Variants in LRP12 observed in about 807,000 individuals in gnomAD.
LRP12 encodes the protein LDL receptor related protein 12.
A neutral mutation model predicts 66.0 loss-of-function variants in LRP12; 14 were observed. The observed-to-expected ratio is 0.21, with a 90% confidence interval of 0.14 to 0.33. The LOEUF (loss-of-function observed/expected upper bound fraction) is 0.33. LRP12 is among the 10% of genes least tolerant of loss of function. The pLI, the probability that LRP12 is intolerant of heterozygous loss-of-function variation, is 1.00. For missense variants in LRP12, 889 were observed against 1,053.4 expected, an observed-to-expected ratio of 0.84 and a Z score of 2.16; for synonymous variants, 357 against 359.1, an observed-to-expected ratio of 0.99 and a Z score of 0.07.
rs148981125 is a variant in LRP12, at chr8:104,571,207, TCTC to T, written c.79+17609_79+17611del. On this transcript the variant is annotated intron_variant, in intron 1 of 6. Transcript: ENST00000276654. The stretch of plus-strand genomic sequence containing the variant: ...GTGTAACTTAGGACCCAGCAATTCT[TCTC>T]CTAAGTATTTATCCTAAAGCAGGAG... Among the ~76,000 whole-genome samples the T allele has an allele frequency of 6.8e-3, 1,035 of 152,138 alleles. 45 individuals carry two copies. The highest frequency in any genetic ancestry group is 0.052 in the Admixed American group (789 of 15,282).
intron 1 of LRP12, among the ~76,000 whole-genome samples, chr8:104,582,263 A>G (rs1410595291): frequency 6.6e-6 from 1 of 152,226 alleles, no homozygotes; most frequent in Non-Finnish European, 1.5e-5. Context: ...AACTGATACC[A>G]GCAAGTAAAT....
chr8:104,518,341 A>G (rs1461787576), intron 2 of LRP12, among the ~76,000 whole-genome samples: 1 of 152,068 alleles, frequency 6.6e-6, no homozygotes, highest in Non-Finnish European at 1.5e-5. Flanking sequence ...GAAATTTGGT[A>G]ATTTTTCTAA....
chr8:104,527,048 A>G (rs1811250182), intron 2 of LRP12, among the ~76,000 whole-genome samples: 2 of 151,138 alleles, frequency 1.3e-5, no homozygotes, highest in South Asian at 4.2e-4. Flanking sequence ...TCTCAAAAGA[A>G]GACATTTATG....
At chr8:104,542,263 A>T (rs745610629) in intron 1 of LRP12, among the ~76,000 whole-genome samples, 5 of 152,078 alleles carry the variant, frequency 3.3e-5, no homozygotes, top group Non-Finnish European at 5.9e-5. Context: ...GGCTCTTTTC[A>T]TGTGCTTAAC....
At chr8:104,579,573 A>G (rs1812214777) in intron 1 of LRP12, among the ~76,000 whole-genome samples, 1 of 152,212 alleles carries the variant, frequency 6.6e-6, no homozygotes, top group African/African-American at 2.4e-5. Flanking sequence ...GAACTAGAAG[A>G]AACTATTTTA....
intron 1 of LRP12, among the ~76,000 whole-genome samples, chr8:104,583,121 TC>T (rs1812281302): frequency 6.6e-6 from 1 of 152,138 alleles, no homozygotes; most frequent in South Asian, 2.1e-4. Flanking sequence ...TCCTAACTGA[TC>T]ATCCCATCTC....
intron 1 of LRP12, among the ~76,000 whole-genome samples, chr8:104,568,168 G>C (rs1419797372): frequency 6.6e-6 from 1 of 152,070 alleles, no homozygotes; most frequent in African/African-American, 2.4e-5. Flanking sequence ...GGATTAAATG[G>C]GAGAAAGACT....
chr8:104,507,226 A>AATG (rs1182998208), intron 3 of LRP12: 10 of 152,198 alleles, frequency 6.6e-5, no homozygotes, highest in Non-Finnish European at 1.0e-4. Flanking sequence ...TTACCATGAT[A>AATG]ATGACTTCAG....
At chr8:104,496,922 C>T in intron 5 of LRP12, 50 bp downstream of exon 5, 2 of 1,452,452 alleles carry the variant, frequency 1.4e-6, no homozygotes, top group Non-Finnish European at 1.8e-6. Flanking sequence ...TTGTTTCAAA[C>T]ACTTGGGCCT....
At chr8:104,552,506 C>A (rs545697096) in intron 1 of LRP12, among the ~76,000 whole-genome samples, 1 of 151,640 alleles carries the variant, frequency 6.6e-6, no homozygotes, top group South Asian at 2.1e-4. Context: ...CCCTTCTCTA[C>A]TAAAAATACA....
chr8:104,587,815 T>C (rs1165355051), intron 1 of LRP12, among the ~76,000 whole-genome samples: 2 of 152,200 alleles, frequency 1.3e-5, no homozygotes, highest in East Asian at 1.9e-4. Flanking sequence ...ACCAAAGTAA[T>C]GATATCTTCT....
chr8:104,499,384 G>A lies in LRP12; in HGVS notation c.408C>T (p.His136=). 1 of 1,613,810 alleles carries A rather than the reference G, an allele frequency of 6.2e-7. No homozygotes were observed. The highest frequency in any genetic ancestry group is 1.1e-5 in the South Asian group (1 of 91,032). Residue 136 remains histidine, a synonymous_variant, in exon 4 of 7, where the codon CAC becomes CAT. Transcript: ENST00000276654. ...IPPPYISSQD[H]IWIRFHSDDN... is the part of the protein sequence containing the mutation. ...CATCCGAATGAAACCTAATCCAGAT[G>A]TGGTCTTGTGAAGAGATATACGGAG... is the stretch of plus-strand genomic sequence containing the variant.
At chr8:104,574,665 G>GT (rs529636620) in intron 1 of LRP12, among the ~76,000 whole-genome samples, 108 of 152,290 alleles carry the variant, frequency 7.1e-4, no homozygotes, top group Non-Finnish European at 1.2e-3. Flanking sequence ...GAGATGGGCT[G>GT]TAAGTATAAA....
chr8:104,497,168 G>A lies in LRP12; in HGVS notation c.1384C>T (p.Arg462Cys), dbSNP rs753654313. Residue 462 changes from arginine (R) to cysteine (C), a missense_variant, in exon 5 of 7, where the codon CGT becomes TGT. Coordinates refer to ENST00000276654, the MANE Select transcript of LRP12 (RefSeq NM_013437.5). The surrounding 1 kb of genome is among the most constrained non-coding windows in gnomAD (Gnocchi z 4.3). ...CACACCCAACTTTCAAACACACAAC[G>A]ATTGTTTTTACAATGGAAATTTCCT... ...QPGNFHCKNNRCVFESWVCDS... is the reference protein window; with the variant it reads ...QPGNFHCKNNCCVFESWVCDS... 1.9e-6 allele frequency: 3 copies of A among 1,610,500 alleles called. No homozygotes were observed. Among genetic ancestry groups the A allele is most frequent in the Non-Finnish European group, 8.5e-7 (1 of 1,178,188 alleles).
At chr8:104,555,749 G>T (rs1027689377) in intron 1 of LRP12, among the ~76,000 whole-genome samples, 2 of 151,988 alleles carry the variant, frequency 1.3e-5, no homozygotes, top group Non-Finnish European at 2.9e-5. Flanking sequence ...CACTAGATAG[G>T]TCATCAAGAC....
chr8:104,546,704 A>C (rs949612543), intron 1 of LRP12, among the ~76,000 whole-genome samples: 2 of 151,694 alleles, frequency 1.3e-5, no homozygotes, highest in African/African-American at 4.8e-5. Flanking sequence ...TTTTGAAAAA[A>C]AATTAGTATC....
intron 1 of LRP12, among the ~76,000 whole-genome samples, chr8:104,542,109 T>C (rs114582162): frequency 0.031 from 4,655 of 152,244 alleles, 237 homozygotes; most frequent in African/African-American, 0.11. Context: ...TTTTACATTC[T>C]GATCAGCAAC....
At chr8:104,541,392 G>C (rs575763778) in intron 1 of LRP12, among the ~76,000 whole-genome samples, 1 of 152,216 alleles carries the variant, frequency 6.6e-6, no homozygotes, top group Non-Finnish European at 1.5e-5. Flanking sequence ...AAGTTCAAAG[G>C]TTCCTACCTA....
chr8:104,543,472 T>A (rs902649234), intron 1 of LRP12, among the ~76,000 whole-genome samples: 1 of 152,192 alleles, frequency 6.6e-6, no homozygotes, highest in African/African-American at 2.4e-5. Context: ...CTGTGTGTGT[T>A]CTGATTGTTC....
Sources: gnomAD v4.1 joint callset for allele counts (sites outside exome capture counted in the v4.1 genomes callset) on GRCh38, gnomAD v4.1.1 for gene constraint, Gnocchi (gnomAD v3.1) non-coding constraint, MANE v1.5 for transcripts, NCBI Gene and HGNC (gene_info 2026-07-23, HGNC 2026-07-21) for gene names.